ZNF407: variants seen among roughly 807,000 people sequenced by gnomAD.
ZNF407 encodes the protein zinc finger protein 407.
ZNF407 carries 17 observed loss-of-function variants against 131.2 expected under a neutral mutation model. The ratio of observed to expected loss-of-function variants is 0.13; its 90% CI spans 0.09 to 0.19. ZNF407 has a LOEUF of 0.19. Among genes scored for constraint, ZNF407 ranks in the 10% least tolerant of loss-of-function variants. The pLI, the probability that ZNF407 is intolerant of heterozygous loss-of-function variation, is 1.00. For synonymous variants in ZNF407, 1,156 were observed against 1,062.0 expected, an observed-to-expected ratio of 1.09 and a Z score of -1.72; for missense variants, 2,681 against 2,830.6, an observed-to-expected ratio of 0.95 and a Z score of 1.20.
intron 3 of ZNF407, among the ~76,000 whole-genome samples, chr18:74,652,290 G>A (rs998538831): frequency 1.3e-5 from 2 of 152,024 alleles, no homozygotes; most frequent in Non-Finnish European, 2.9e-5. Flanking sequence ...AAACACATTT[G>A]ATTGTTGGAA....
At chr18:74,934,670 G>A (rs1972019691) in intron 8 of ZNF407, among the ~76,000 whole-genome samples, 1 of 152,200 alleles carries the variant, frequency 6.6e-6, no homozygotes, top group South Asian at 2.1e-4. Flanking sequence ...GCCGGACATG[G>A]TGGCGCGTGC....
intron 4 of ZNF407, among the ~76,000 whole-genome samples, chr18:74,784,402 T>G (rs1385721528): frequency 1.3e-5 from 2 of 152,230 alleles, no homozygotes; most frequent in East Asian, 3.8e-4. Flanking sequence ...TATAATTTAT[T>G]AAAAATAAAT....
intron 8 of ZNF407, among the ~76,000 whole-genome samples, chr18:75,051,838 T>G (rs1973504607): frequency 6.6e-6 from 1 of 152,128 alleles, no homozygotes; most frequent in African/African-American, 2.4e-5. Context: ...TCCAGGGAAC[T>G]CCCTAAAAAG....
chr18:74,714,989 C>T (rs1967859264), intron 3 of ZNF407, among the ~76,000 whole-genome samples: 1 of 152,196 alleles, frequency 6.6e-6, no homozygotes, highest in African/African-American at 2.4e-5. Flanking sequence ...CCTTGCACTG[C>T]TCCATTGTCT....
intron 8 of ZNF407, among the ~76,000 whole-genome samples, chr18:75,000,815 T>A (rs1568297059): frequency 6.6e-6 from 1 of 152,204 alleles, no homozygotes; most frequent in Non-Finnish European, 1.5e-5. Context: ...TAAACTAGGA[T>A]GAAGTAATTG....
rs138146447 is a variant in ZNF407 at position 74,623,707 on chromosome 18, C to CT, written c.-53-7250dup. ...AAGTATTTTAATTTCTTTATTGAAA[C>CT]TTTTTTTTTTCTTTTAAATCATAGG... On this transcript the variant is annotated intron_variant, in intron 1 of 8. Coordinates refer to ENST00000299687, the MANE Select transcript of ZNF407 (RefSeq NM_017757.3). Among the ~76,000 whole-genome samples the CT allele has an allele frequency of 2.9e-4, 44 of 150,744 alleles. 1 individual carries two copies. The South Asian group carries it at 4.6e-3, about 16-fold the overall frequency.
At chr18:75,038,555 A>G (rs1203309717) in intron 8 of ZNF407, among the ~76,000 whole-genome samples, 3 of 152,192 alleles carry the variant, frequency 2.0e-5, no homozygotes, top group Admixed American at 6.5e-5. Flanking sequence ...ATATCTAGCA[A>G]TTATTAAGTG....
At chr18:74,891,099 G>T (rs2145197093) in intron 7 of ZNF407, among the ~76,000 whole-genome samples, 2 of 152,314 alleles carry the variant, frequency 1.3e-5, no homozygotes, top group Middle Eastern at 6.8e-3. Context: ...ACATGATGAG[G>T]TATGTGTAGA....
Position 75,063,281 on chromosome 18 carries a change from A to T in ZNF407, c.5560A>T (p.Arg1854Trp). The change falls in exon 9 of 9, where the codon AGG becomes TGG. Residue 1854 changes from arginine to tryptophan, a missense_variant. Physicochemically the swap from Arg to Trp is moderately radical, Grantham distance 101 (BLOSUM62 -3). Around this residue, in one of 6 missense-constraint regions of ZNF407, gnomAD observed 620 missense variants for 583.1 expected, o/e 1.06. Coordinates refer to ENST00000299687, the MANE Select transcript of ZNF407 (RefSeq NM_017757.3). This position sits in a 1 kb window ranked among gnomAD's most constrained non-coding sequence, Gnocchi z 6.6. ...CAAGGAGAAGCCCCTCAGAAGCAGC[A>T]GGAGGCCAGCGCCGCCCCCTGAGCA... ...LVKEKPLRSS[R>W]RPAPPPEQVQ... 6.2e-7 allele frequency: 1 copy of T among 1,613,736 alleles called. No individual in the cohort carries two copies. Among genetic ancestry groups the T allele is most frequent in the Non-Finnish European group, 8.5e-7 (1 of 1,179,872 alleles).
At chr18:74,859,767 G>T (rs1368178556) in intron 4 of ZNF407, among the ~76,000 whole-genome samples, 1 of 152,166 alleles carries the variant, frequency 6.6e-6, no homozygotes, top group Non-Finnish European at 1.5e-5. Context: ...GTACCTGGAG[G>T]ATAGGCCCTG....
chr18:74,606,105 G>A (rs564650290), intron 1 of ZNF407, among the ~76,000 whole-genome samples: 18 of 152,330 alleles, frequency 1.2e-4, no homozygotes, highest in African/African-American at 4.1e-4. Flanking sequence ...GGCTTGATGT[G>A]GACATGAAGA....
At chr18:74,932,862 C>G (rs566080288) in intron 8 of ZNF407, among the ~76,000 whole-genome samples, 2 of 152,152 alleles carry the variant, frequency 1.3e-5, no homozygotes, top group African/African-American at 4.8e-5. Flanking sequence ...CATACCTATT[C>G]AGATGCCTCC....
chr18:74,953,062 G>A (rs1030651728), intron 8 of ZNF407, among the ~76,000 whole-genome samples: 1 of 152,172 alleles, frequency 6.6e-6, no homozygotes, highest in African/African-American at 2.4e-5. Context: ...TAGAATGACG[G>A]TGAGCAAGAG....
In ZNF407 at chr18:74,927,129, C is replaced by G. The variant is rs184057230; in HGVS notation, c.5428+6437C>G. On this transcript the variant is annotated intron_variant, in intron 8 of 8. Coordinates refer to ENST00000299687, the MANE Select transcript of ZNF407 (RefSeq NM_017757.3). ...AATAGTATCTGTGCCAAACTTTTCT[C>G]TACACCATTGAATCTTCAAAACAAA... is the stretch of plus-strand genomic sequence containing the variant. 2.4e-3 allele frequency among the ~76,000 whole-genome samples: 373 copies of G among 152,330 alleles called. 4 individuals carry two copies. The highest frequency in any genetic ancestry group is 3.5e-3 in the East Asian group (18 of 5,184).
At chr18:74,805,142 C>T (rs1970090230) in intron 4 of ZNF407, among the ~76,000 whole-genome samples, 1 of 152,116 alleles carries the variant, frequency 6.6e-6, no homozygotes, top group Non-Finnish European at 1.5e-5. Flanking sequence ...TGATGAAAGA[C>T]TATTTTAGAA....
At chr18:75,001,268 T>C (rs947673445) in intron 8 of ZNF407, among the ~76,000 whole-genome samples, 3 of 152,156 alleles carry the variant, frequency 2.0e-5, no homozygotes, top group Non-Finnish European at 4.4e-5. Context: ...GAAAAATTAG[T>C]AAATGGGACA....
chr18:75,020,088 C>T (rs945870105), intron 8 of ZNF407, among the ~76,000 whole-genome samples: 1 of 152,116 alleles, frequency 6.6e-6, no homozygotes, highest in Non-Finnish European at 1.5e-5. Flanking sequence ...TCAAGTAAAA[C>T]TTATTTTACT....
In ZNF407 at chr18:74,627,404, T is replaced by TCTTTCTTC. The variant is rs547742595; in HGVS notation, c.-53-3557_-53-3550dup. 5.3e-3 allele frequency among the ~76,000 whole-genome samples: 803 copies of TCTTTCTTC among 152,312 alleles called. 15 individuals are homozygous for TCTTTCTTC. Among genetic ancestry groups the TCTTTCTTC allele is most frequent in the East Asian group, 0.036 (187 of 5,174 alleles). The stretch of plus-strand genomic sequence containing the variant: ...GTTTTGAAATGGGTGCATGATTCTT[T>TCTTTCTTC]CTTTCTTCCTTTCCTCCCTTTACTC... On this transcript the variant is annotated intron_variant, in intron 1 of 8. Transcript: ENST00000299687.
chr18:75,043,393 G>A (rs1056365161), intron 8 of ZNF407, among the ~76,000 whole-genome samples: 4 of 152,170 alleles, frequency 2.6e-5, no homozygotes, highest in Non-Finnish European at 4.4e-5. Flanking sequence ...TGCATGCCCA[G>A]CTCTACATAA....
Sources: allele counts gnomAD v4.1 joint callset (sites outside exome capture counted in the v4.1 genomes callset), GRCh38; gene constraint gnomAD v4.1.1; regional missense constraint gnomAD v4.1.1; non-coding constraint Gnocchi (gnomAD v3.1); transcripts MANE v1.5; gene names NCBI Gene and HGNC (gene_info 2026-07-23, HGNC 2026-07-21).